Variants in ROR1 observed in about 807,000 individuals in gnomAD.
The protein encoded by ROR1 is inactive tyrosine-protein kinase transmembrane receptor ROR1.
A neutral mutation model predicts 78.8 loss-of-function variants in ROR1; 19 were observed. That is an observed-to-expected ratio of 0.24 (90% CI 0.17 to 0.35). The LOEUF is 0.35. Ranked by LOEUF, ROR1 falls within the 10% of genes least tolerant of loss-of-function variation. The pLI is 1.00. For synonymous variants in ROR1, 386 were observed against 433.6 expected, an observed-to-expected ratio of 0.89 and a Z score of 1.36; for missense variants, 917 against 1,177.8, an observed-to-expected ratio of 0.78 and a Z score of 3.24.
chr1:63,947,829 C>T (rs149660246), intron 1 of ROR1, among the ~76,000 whole-genome samples: 2 of 152,154 alleles, frequency 1.3e-5, no homozygotes. Flanking sequence ...AGCCTATCCT[C>T]CACCCTTTAG....
chr1:64,050,801 A>G, intron 4 of ROR1, 85 bp downstream of exon 4: 2 of 1,324,062 alleles, frequency 1.5e-6, no homozygotes, highest in Non-Finnish European at 2.2e-6. Flanking sequence ...CCTCTTCTTA[A>G]GCCAAAATAC....
intron 1 of ROR1, among the ~76,000 whole-genome samples, chr1:63,892,652 G>A (rs1645406600): frequency 6.6e-6 from 1 of 152,128 alleles, no homozygotes; most frequent in Non-Finnish European, 1.5e-5. Context: ...TAAAACCCAT[G>A]CTTATGGAAG....
chr1:64,020,679 G>A (rs1305600537), intron 2 of ROR1, among the ~76,000 whole-genome samples: 1 of 152,140 alleles, frequency 6.6e-6, no homozygotes, highest in South Asian at 2.1e-4. Flanking sequence ...AGGGTTTGAG[G>A]GCTTACAGCT....
At chr1:63,780,592 C>G (rs1181103753) in intron 1 of ROR1, among the ~76,000 whole-genome samples, 2 of 152,142 alleles carry the variant, frequency 1.3e-5, no homozygotes, top group African/African-American at 2.4e-5. Flanking sequence ...GATGGTCCTG[C>G]TGCAAGGTAG....
intron 1 of ROR1, among the ~76,000 whole-genome samples, chr1:63,798,229 C>T (rs956143842): frequency 3.3e-5 from 5 of 152,182 alleles, no homozygotes; most frequent in African/African-American, 7.2e-5. Flanking sequence ...TGTGCAACTG[C>T]GCAGACCATC....
rs951642845 is a variant in ROR1 at position 64,001,861 on chromosome 1, G to A, written c.92-7444G>A. On this transcript the variant is annotated intron_variant, in intron 1 of 8. Coordinates refer to ENST00000371079, the MANE Select transcript of ROR1 (RefSeq NM_005012.4). ...ATTCATAGGCACCTTCAGCATCGGC[G>A]TCCACTTTGTGTTATCCTTTTTGGC... Among the ~76,000 whole-genome samples, 29 of 152,220 alleles carry A rather than the reference G, an allele frequency of 1.9e-4. 1 individual carries two copies. The highest frequency in any genetic ancestry group is 1.1e-3 in the Admixed American group (17 of 15,294).
chr1:63,790,431 A>G (rs1469752862), intron 1 of ROR1, among the ~76,000 whole-genome samples: 3 of 152,210 alleles, frequency 2.0e-5, no homozygotes, highest in Non-Finnish European at 2.9e-5. Flanking sequence ...ATCAGGCTAA[A>G]TGACACCTGC....
intron 4 of ROR1, among the ~76,000 whole-genome samples, chr1:64,113,426 A>G (rs1410651648): frequency 6.6e-6 from 1 of 152,186 alleles, no homozygotes; most frequent in Non-Finnish European, 1.5e-5. Context: ...ATAGCCGTTG[A>G]GTCATTAGCC....
intron 8 of ROR1, among the ~76,000 whole-genome samples, chr1:64,169,269 G>A (rs1650173434): frequency 6.6e-6 from 1 of 152,192 alleles, no homozygotes; most frequent in South Asian, 2.1e-4. Context: ...AGACATACCT[G>A]AGAATGGAAA....
intron 1 of ROR1, among the ~76,000 whole-genome samples, chr1:63,883,993 A>T (rs1056136366): frequency 3.3e-5 from 5 of 152,146 alleles, no homozygotes; most frequent in African/African-American, 1.2e-4. Flanking sequence ...TTACATTGCC[A>T]AGCATGCTTG....
chr1:63,829,347 GA>G (rs1333128160), intron 1 of ROR1, among the ~76,000 whole-genome samples: 1 of 152,200 alleles, frequency 6.6e-6, no homozygotes, highest in African/African-American at 2.4e-5. Flanking sequence ...TTAATAATTG[GA>G]CAAATAAGTA....
rs574057343 is a variant in ROR1, at chr1:63,882,981, T to C, written c.91+108473T>C. On this transcript the variant is annotated intron_variant, in intron 1 of 8. Coordinates refer to ENST00000371079, the MANE Select transcript of ROR1 (RefSeq NM_005012.4). ...ATCAGTAGCCTAGCACTTAGGCTTA[T>C]GTTGTATGGAGTGATGAAAAATGGG... Among the ~76,000 whole-genome samples, 3 of 152,274 alleles carry C rather than the reference T, an allele frequency of 2.0e-5. No homozygotes were observed. In the East Asian group the frequency reaches 5.8e-4, roughly 29 times the overall value.
intron 1 of ROR1, among the ~76,000 whole-genome samples, chr1:63,893,187 A>G (rs989446861): frequency 2.0e-5 from 3 of 152,124 alleles, no homozygotes; most frequent in East Asian, 1.9e-4. Context: ...TTCTGGGCAC[A>G]GTGTCACTGG....
chr1:63,810,494 C>A lies in ROR1; in HGVS notation c.91+35986C>A, dbSNP rs149075062. 7.4e-3 allele frequency among the ~76,000 whole-genome samples: 1,126 copies of A among 152,314 alleles called. 8 individuals carry two copies. The highest frequency in any genetic ancestry group is 0.012 in the Admixed American group (178 of 15,298). ...TGAACTGCTAGGCAGGAGGGGGAAA[C>A]ACACATGTAATCTAAATAATGTAAT... On this transcript the variant is annotated intron_variant, in intron 1 of 8. Coordinates refer to ENST00000371079, the MANE Select transcript of ROR1 (RefSeq NM_005012.4).
rs1205619663 is a variant in ROR1 at position 63,957,112 on chromosome 1, G to GTTCTCCT, written c.92-52192_92-52186dup. Among the ~76,000 whole-genome samples, 3 of 152,286 alleles carry GTTCTCCT rather than the reference G, an allele frequency of 2.0e-5. No individual in the cohort carries two copies. The South Asian group carries it at 6.2e-4, about 32-fold the overall frequency. The stretch of plus-strand genomic sequence containing the variant: ...TCTATGGCTGGTGAACTTGTAGGCA[G>GTTCTCCT]TTCTCCTGGTAGAGATTATATGCAA... On this transcript the variant is annotated intron_variant, in intron 1 of 8. Coordinates refer to ENST00000371079, the MANE Select transcript of ROR1 (RefSeq NM_005012.4).
At chr1:63,811,479 A>G (rs942912519) in intron 1 of ROR1, among the ~76,000 whole-genome samples, 32 of 152,138 alleles carry the variant, frequency 2.1e-4, no homozygotes, top group African/African-American at 7.7e-4. Flanking sequence ...CCAAGGAGAG[A>G]CTACTAGCCT....
chr1:63,774,400 GCC>G lies in ROR1; in HGVS notation c.-17_-16del. 1 of 1,251,988 alleles carries G rather than the reference GCC, an allele frequency of 8.0e-7. No individual in the cohort carries two copies. The highest frequency in any genetic ancestry group is 1.0e-6 in the Non-Finnish European group (1 of 992,916). 77.6% of individuals were successfully genotyped at this position (1,251,988 alleles called of 1,614,324 possible). ...CGGCCTGGGAGCCGCCGCCGCCGCC[GCC>G]TCAGCGAGAGGAGGAATGCACCGGC... is the stretch of plus-strand genomic sequence containing the variant. On this transcript the variant is annotated 5_prime_UTR_variant, in exon 1 of 9. Transcript: ENST00000371079. This position sits in a 1 kb window ranked among gnomAD's most constrained non-coding sequence, Gnocchi z 5.7.
chr1:64,008,976 C>A (rs1260599652), intron 1 of ROR1, among the ~76,000 whole-genome samples: 1 of 152,058 alleles, frequency 6.6e-6, no homozygotes, highest in Non-Finnish European at 1.5e-5. Context: ...GAGATGGCAT[C>A]TCATTGTGGT....
At position 64,175,038 on chromosome 1, in the gene ROR1, T is replaced by TA. The variant is rs562982415; in HGVS notation, c.1387-2383dup. ...TTTTTAAAAAAATAGTTATTTAATT[T>TA]AAAAAAATAGTAATTTAATAAATTA... is the stretch of plus-strand genomic sequence containing the variant. On this transcript the variant is annotated intron_variant, in intron 8 of 8. Transcript: ENST00000371079. 2.7e-3 allele frequency among the ~76,000 whole-genome samples: 401 copies of TA among 150,558 alleles called. 3 individuals are homozygous for TA. The highest frequency in any genetic ancestry group is 9.3e-3 in the African/African-American group (383 of 41,308).
Sources: gnomAD v4.1 joint callset for allele counts (sites outside exome capture counted in the v4.1 genomes callset) on GRCh38, gnomAD v4.1.1 for gene constraint, Gnocchi (gnomAD v3.1) non-coding constraint, MANE v1.5 for transcripts, NCBI Gene and HGNC (gene_info 2026-07-23, HGNC 2026-07-21) for gene names.